MAP3K7CL: variants seen among roughly 807,000 people sequenced by gnomAD.
MAP3K7CL encodes MAP3K7 C-terminal-like protein.
In MAP3K7CL, 16 loss-of-function variants were observed where a neutral mutation model predicts 18.6. The ratio of observed to expected loss-of-function variants is 0.86; its 90% CI spans 0.58 to 1.31. The LOEUF (loss-of-function observed/expected upper bound fraction) is 1.31, where lower values mean the gene tolerates loss of function less well. Among genes scored for constraint, MAP3K7CL ranks in the 50% most tolerant of loss-of-function variants. The probability of loss-of-function intolerance (pLI) is 0.00; values close to 1 mark genes in which losing one functional copy is unlikely to be tolerated. For missense variants in MAP3K7CL, 163 were observed against 174.4 expected, an observed-to-expected ratio of 0.93 and a Z score of 0.37; for synonymous variants, 65 against 66.8, an observed-to-expected ratio of 0.97 and a Z score of 0.13.
At chr21:29,100,039 C>T (rs369743221) in intron 4 of MAP3K7CL, among the ~76,000 whole-genome samples, 1 of 149,900 alleles carries the variant, frequency 6.7e-6, no homozygotes, top group East Asian at 2.0e-4. Context: ...GCCGAGATCA[C>T]GCCACCTCAC....
intron 4 of MAP3K7CL, among the ~76,000 whole-genome samples, chr21:29,123,046 AGAAATGATC>A (rs1450484554): frequency 1.4e-4 from 11 of 78,870 alleles, no homozygotes; most frequent in African/African-American, 2.9e-4. Context: ...ATACTGGAGA[AGAAATGATC>A]TTTTTTTTTT....
intron 1 of MAP3K7CL, among the ~76,000 whole-genome samples, chr21:29,087,828 C>T (rs544681756): frequency 3.9e-5 from 6 of 152,030 alleles, no homozygotes; most frequent in South Asian, 4.2e-4. Context: ...CTCCTGACCT[C>T]GTGATCCGCC....
chr21:29,162,966 G>A lies in MAP3K7CL; in HGVS notation c.248+2910G>A, dbSNP rs187355864. Among the ~76,000 whole-genome samples the A allele has an allele frequency of 2.5e-3, 378 of 152,170 alleles. 1 individual carries two copies. Among genetic ancestry groups the A allele is most frequent in the Non-Finnish European group, 3.7e-3 (255 of 68,002 alleles). ...CTAAAAATACAAAAAAATTAGTCGG[G>A]TGTGGTAGATAGCACGTGCCTGTAA... On this transcript the variant is annotated intron_variant, in intron 4 of 4. Transcript: ENST00000399928.
intron 4 of MAP3K7CL, among the ~76,000 whole-genome samples, chr21:29,167,549 T>A (rs887262768): frequency 6.6e-6 from 1 of 150,876 alleles, no homozygotes; most frequent in African/African-American, 2.4e-5. Context: ...TTTTTTTTTT[T>A]ATGTTTAACC....
At chr21:29,162,493 C>T (rs1601265696) in intron 4 of MAP3K7CL, among the ~76,000 whole-genome samples, 1 of 151,590 alleles carries the variant, frequency 6.6e-6, no homozygotes, top group African/African-American at 2.4e-5. Context: ...ACCAGCCTGG[C>T]CAACATGGCA....
At chr21:29,088,465 C>G (rs2085964239) in intron 1 of MAP3K7CL, among the ~76,000 whole-genome samples, 1 of 152,158 alleles carries the variant, frequency 6.6e-6, no homozygotes, top group Non-Finnish European at 1.5e-5. Flanking sequence ...TCCAAATTCC[C>G]TTTCATAAGC....
At chr21:29,139,059 G>A (rs561572188) in intron 2 of MAP3K7CL, among the ~76,000 whole-genome samples, 1 of 152,204 alleles carries the variant, frequency 6.6e-6, no homozygotes, top group Non-Finnish European at 1.5e-5. Context: ...TTGGTACTCC[G>A]GAACCCATAC....
intron 1 of MAP3K7CL, among the ~76,000 whole-genome samples, chr21:29,079,488 C>T (rs2085801751): frequency 6.6e-6 from 1 of 152,246 alleles, no homozygotes. Flanking sequence ...AGAAAGGTCT[C>T]TACGTGTTTC....
chr21:29,135,525 G>A (rs543787436), intron 2 of MAP3K7CL, among the ~76,000 whole-genome samples: 2 of 152,242 alleles, frequency 1.3e-5, no homozygotes, highest in African/African-American at 4.8e-5. Context: ...CTGTTCCCCT[G>A]TCAACATTTT....
intron 1 of MAP3K7CL, among the ~76,000 whole-genome samples, chr21:29,132,733 C>G (rs2086803112): frequency 6.6e-6 from 1 of 152,116 alleles, no homozygotes; most frequent in South Asian, 2.1e-4. Flanking sequence ...TGGTCTCGAA[C>G]TTCTGACCTC....
chr21:29,095,245 GCTGT>G (rs2146512163), intron 4 of MAP3K7CL, among the ~76,000 whole-genome samples: 1 of 152,194 alleles, frequency 6.6e-6, no homozygotes, highest in East Asian at 1.9e-4. Context: ...CTATTCAGAG[GCTGT>G]CTGTTGGGGG....
chr21:29,100,083 T>TAA (rs397727880), intron 4 of MAP3K7CL, among the ~76,000 whole-genome samples: 4,922 of 122,718 alleles, frequency 0.04, 202 homozygotes, highest in East Asian at 0.16. Context: ...ACTCCGTCTT[T>TAA]AAAAAAAAAA....
chr21:29,097,048 C>T (rs944637089), intron 4 of MAP3K7CL, among the ~76,000 whole-genome samples: 3 of 152,116 alleles, frequency 2.0e-5, no homozygotes, highest in African/African-American at 7.2e-5. Flanking sequence ...CCTAGGCTAA[C>T]GATTGTGGCT....
chr21:29,105,789 C>T (rs1489224708), intron 4 of MAP3K7CL, among the ~76,000 whole-genome samples: 5 of 152,150 alleles, frequency 3.3e-5, no homozygotes, highest in African/African-American at 1.2e-4. Flanking sequence ...TTGTATGGGA[C>T]TAAGGTGAGT....
At chr21:29,122,176 C>T (rs1424789480) in intron 4 of MAP3K7CL, 5 of 152,144 alleles carry the variant, frequency 3.3e-5, no homozygotes, top group Admixed American at 1.3e-4. Flanking sequence ...TTACTGAGCC[C>T]GCAGCACTCA....
chr21:29,108,461 A>G (rs1237853412), intron 4 of MAP3K7CL, among the ~76,000 whole-genome samples: 1 of 152,206 alleles, frequency 6.6e-6, no homozygotes, highest in Non-Finnish European at 1.5e-5. Flanking sequence ...TAAGCTGACT[A>G]AAAGGTTTTT....
intron 4 of MAP3K7CL, among the ~76,000 whole-genome samples, chr21:29,112,622 T>G (rs1217042903): frequency 6.6e-6 from 1 of 152,160 alleles, no homozygotes; most frequent in Non-Finnish European, 1.5e-5. Flanking sequence ...TTTCCCTTGA[T>G]AATTAGTATA....
chr21:29,145,029 C>A (rs1365346534), intron 2 of MAP3K7CL, among the ~76,000 whole-genome samples: 1 of 152,214 alleles, frequency 6.6e-6, no homozygotes, highest in Admixed American at 6.5e-5. Flanking sequence ...TTTTCCTCTT[C>A]TTTCCTTTAT....
chr21:29,086,402 T>A (rs2085926407), intron 1 of MAP3K7CL, among the ~76,000 whole-genome samples: 1 of 152,166 alleles, frequency 6.6e-6, no homozygotes, highest in Non-Finnish European at 1.5e-5. Context: ...CCACCAGCTC[T>A]GGAAAATGAG....
Sources: gnomAD v4.1 joint callset for allele counts (sites outside exome capture counted in the v4.1 genomes callset) on GRCh38, gnomAD v4.1.1 for gene constraint, MANE v1.5 for transcripts, NCBI Gene and HGNC (gene_info 2026-07-23, HGNC 2026-07-21) for gene names.